The following BANF2 variants were observed in gnomAD, a reference collection of about 807,000 sequenced individuals.
The protein encoded by BANF2 is barrier-to-autointegration factor-like protein.
A neutral mutation model predicts 8.0 loss-of-function variants in BANF2; 4 were observed. That is an observed-to-expected ratio of 0.50 (90% CI 0.25 to 1.14). BANF2 has a LOEUF of 1.14. Ranked by LOEUF, BANF2 falls within the 50% of genes most tolerant of loss-of-function variation. The pLI, the probability that BANF2 is intolerant of heterozygous loss-of-function variation, is 0.16. For missense variants in BANF2, 96 were observed against 107.5 expected (o/e 0.89, Z 0.47); for synonymous variants, 50 against 40.6 (o/e 1.23, Z -0.88).
chr20:17,733,183 G>A lies in BANF2; in HGVS notation c.127-2482G>A, dbSNP rs566391240. Among the ~76,000 whole-genome samples, 46 of 152,350 alleles carry A rather than the reference G, an allele frequency of 3.0e-4. No homozygotes were observed. In the South Asian group the frequency reaches 3.9e-3, roughly 13 times the overall value. On this transcript the variant is annotated intron_variant, in intron 3 of 3. Transcript: ENST00000246090. ...GGAGGCTCTCACTAACAGGCCAGCT[G>A]ATGCTGGCAGTGCCACTTCTAAAAC...
chr20:17,707,004 A>G (rs1357295745), intron 1 of BANF2, among the ~76,000 whole-genome samples: 3 of 152,186 alleles, frequency 2.0e-5, no homozygotes, highest in African/African-American at 7.2e-5. Flanking sequence ...GGCCACACAG[A>G]GGGAAGAGAC....
chr20:17,715,894 A>T (rs759927933), intron 1 of BANF2, among the ~76,000 whole-genome samples: 2 of 152,236 alleles, frequency 1.3e-5, no homozygotes, highest in Admixed American at 1.3e-4. Context: ...GCATGTCTAA[A>T]TCCAGGCCTG....
intron 1 of BANF2, among the ~76,000 whole-genome samples, chr20:17,700,931 G>A (rs1436239249): frequency 6.6e-6 from 1 of 152,206 alleles, no homozygotes; most frequent in East Asian, 1.9e-4. Context: ...CACAGCTGCA[G>A]CTGCGTCCCT....
intron 3 of BANF2, among the ~76,000 whole-genome samples, chr20:17,728,346 T>C (rs7346702): frequency 1.3e-5 from 2 of 152,280 alleles, no homozygotes; most frequent in South Asian, 2.1e-4. Flanking sequence ...CTTACCTCCC[T>C]GGGCTCCGCA....
intron 1 of BANF2, among the ~76,000 whole-genome samples, chr20:17,693,860 C>G (rs991521743): frequency 5.9e-5 from 9 of 152,188 alleles, no homozygotes; most frequent in African/African-American, 1.9e-4. Context: ...TCTCTGCAGG[C>G]AGCACAATGC....
chr20:17,728,894 AAG>A (rs1163318147), intron 3 of BANF2, among the ~76,000 whole-genome samples: 2 of 152,216 alleles, frequency 1.3e-5, no homozygotes, highest in Admixed American at 6.5e-5. Flanking sequence ...TGCAGTGTTA[AAG>A]ACTTAGCCCA....
At chr20:17,734,213 C>T (rs2037942385) in intron 3 of BANF2, among the ~76,000 whole-genome samples, 1 of 152,182 alleles carries the variant, frequency 6.6e-6, no homozygotes. Flanking sequence ...GTATTAATAG[C>T]TAGAAAGCTT....
intron 3 of BANF2, among the ~76,000 whole-genome samples, chr20:17,730,190 A>G (rs2037871228): frequency 6.6e-6 from 1 of 152,234 alleles, no homozygotes; most frequent in South Asian, 2.1e-4. Context: ...TTTAATGGTA[A>G]AAAACAATCC....
At chr20:17,734,775 T>C (rs1204028915) in intron 3 of BANF2, among the ~76,000 whole-genome samples, 1 of 152,138 alleles carries the variant, frequency 6.6e-6, no homozygotes, top group Non-Finnish European at 1.5e-5. Context: ...GTCCAAAATA[T>C]CAATAGTGCC....
intron 1 of BANF2, among the ~76,000 whole-genome samples, chr20:17,693,968 C>T (rs555345158): frequency 2.0e-5 from 3 of 152,338 alleles, no homozygotes; most frequent in South Asian, 2.1e-4. Flanking sequence ...ACGTCTTGGA[C>T]GGATTCCTTC....
intron 3 of BANF2, among the ~76,000 whole-genome samples, chr20:17,729,576 A>T (rs1206493875): frequency 6.6e-6 from 1 of 152,128 alleles, no homozygotes; most frequent in Non-Finnish European, 1.5e-5. Flanking sequence ...TCTCTACTAA[A>T]ACTACAGAAA....
At chr20:17,723,073 A>T (rs2037755336) in intron 2 of BANF2, among the ~76,000 whole-genome samples, 195 bp downstream of exon 2, 1 of 152,084 alleles carries the variant, frequency 6.6e-6, no homozygotes, top group African/African-American at 2.4e-5. Context: ...TGTGTGGAGG[A>T]CATTGGGTCA....
At chr20:17,715,262 C>T (rs565983738) in intron 1 of BANF2, among the ~76,000 whole-genome samples, 96 of 152,314 alleles carry the variant, frequency 6.3e-4, no homozygotes, top group Non-Finnish European at 6.2e-4. Flanking sequence ...CTCCTTATGG[C>T]TAGTACACCG....
At chr20:17,714,708 C>T (rs2037626662) in intron 1 of BANF2, among the ~76,000 whole-genome samples, 1 of 152,026 alleles carries the variant, frequency 6.6e-6, no homozygotes, top group African/African-American at 2.4e-5. Flanking sequence ...CAATGTGATG[C>T]CTCTTTTGTA....
chr20:17,721,351 T>A (rs2037725077), intron 1 of BANF2, among the ~76,000 whole-genome samples: 1 of 150,928 alleles, frequency 6.6e-6, no homozygotes, highest in African/African-American at 2.4e-5. Flanking sequence ...AGAAAAGACC[T>A]CTCCTTCATT....
intron 1 of BANF2, among the ~76,000 whole-genome samples, chr20:17,706,250 T>C (rs938710881): frequency 6.6e-6 from 1 of 152,172 alleles, no homozygotes; most frequent in African/African-American, 2.4e-5. Flanking sequence ...TGGGGTGTGC[T>C]GACGTGAGGG....
chr20:17,734,310 G>A (rs2037943849), intron 3 of BANF2, among the ~76,000 whole-genome samples: 1 of 152,170 alleles, frequency 6.6e-6, no homozygotes, highest in Non-Finnish European at 1.5e-5. Flanking sequence ...GAAGGGGAAC[G>A]TGGACAAGGT....
intron 3 of BANF2, among the ~76,000 whole-genome samples, chr20:17,727,084 A>G (rs2037818956): frequency 6.6e-6 from 1 of 150,852 alleles, no homozygotes; most frequent in South Asian, 2.1e-4. Context: ...TTAAATGAGG[A>G]TTATAGGTGG....
chr20:17,704,543 C>T (rs1050278229), intron 1 of BANF2, among the ~76,000 whole-genome samples: 6 of 152,212 alleles, frequency 3.9e-5, no homozygotes, highest in Non-Finnish European at 8.8e-5. Flanking sequence ...TCTACATGAT[C>T]GGTCCCTTCT....
Sources: allele counts gnomAD v4.1 joint callset (sites outside exome capture counted in the v4.1 genomes callset), GRCh38; gene constraint gnomAD v4.1.1; transcripts MANE v1.5; gene names NCBI Gene and HGNC (gene_info 2026-07-23, HGNC 2026-07-21).